The following GRK3 variants were observed in gnomAD, a reference collection of about 807,000 sequenced individuals.
GRK3 encodes the protein adrenergic, beta, receptor kinase 2.
GRK3 carries 54 observed loss-of-function variants against 95.7 expected under a neutral mutation model. The ratio of observed to expected loss-of-function variants is 0.56; its 90% CI spans 0.45 to 0.71. The LOEUF (loss-of-function observed/expected upper bound fraction) is 0.71, where lower values mean the gene tolerates loss of function less well. Among genes scored for constraint, GRK3 ranks in the 30% least tolerant of loss-of-function variants. The pLI is 0.00. For missense variants in GRK3, 649 were observed against 851.2 expected, an observed-to-expected ratio of 0.76 and a Z score of 2.96; for synonymous variants, 281 against 290.8, an observed-to-expected ratio of 0.97 and a Z score of 0.34.
At chr22:25,586,450 G>A (rs1318778596) in intron 1 of GRK3, among the ~76,000 whole-genome samples, 8 of 152,290 alleles carry the variant, frequency 5.3e-5, no homozygotes, top group Non-Finnish European at 8.8e-5. Context: ...CACATTGCAT[G>A]TCTATATCAA....
intron 6 of GRK3, 66 bp from the exon 7 acceptor site, chr22:25,672,230 G>A (rs1444872062): frequency 1.2e-6 from 1 of 801,798 alleles, no homozygotes; most frequent in Non-Finnish European, 2.1e-6. Flanking sequence ...CTGTCTTACG[G>A]TGTTGTTTTG....
chr22:25,565,452 G>C (rs1569145676), intron 1 of GRK3, among the ~76,000 whole-genome samples: 1 of 152,136 alleles, frequency 6.6e-6, no homozygotes, highest in Non-Finnish European at 1.5e-5. Context: ...CATCCCTGTC[G>C]CCCCCTCCCC....
At chr22:25,579,344 G>A (rs1241981153) in intron 1 of GRK3, among the ~76,000 whole-genome samples, 2 of 151,202 alleles carry the variant, frequency 1.3e-5, no homozygotes, top group East Asian at 3.9e-4. Flanking sequence ...ATGGGGTTTC[G>A]CCATGTTGCC....
At position 25,603,168 on chromosome 22, in the gene GRK3, C is replaced by T. The variant is rs532093933; in HGVS notation, c.114-1209C>T. Among the ~76,000 whole-genome samples the T allele has an allele frequency of 1.3e-4, 20 of 152,242 alleles. No individual in the cohort carries two copies. The South Asian group carries it at 3.3e-3, about 25-fold the overall frequency. ...CTGACCTCAGATGATTCACTCGCCTCGGCCTCCCAAAGTGGTGGGATTACA... is the reference window on the plus strand; with the variant it reads ...CTGACCTCAGATGATTCACTCGCCTTGGCCTCCCAAAGTGGTGGGATTACA... On this transcript the variant is annotated intron_variant, in intron 1 of 20. Transcript: ENST00000324198.
chr22:25,622,201 A>G (rs1352728415), intron 2 of GRK3, among the ~76,000 whole-genome samples: 3 of 152,190 alleles, frequency 2.0e-5, no homozygotes, highest in African/African-American at 7.2e-5. Context: ...TTGATTGATG[A>G]CGAAACTAAG....
intron 17 of GRK3, among the ~76,000 whole-genome samples, chr22:25,712,666 C>G (rs892082853): frequency 2.6e-5 from 4 of 152,236 alleles, no homozygotes; most frequent in Admixed American, 2.6e-4. Flanking sequence ...TGCAACCTCT[C>G]GAGTCTTGGC....
At chr22:25,674,143 A>T (rs1402247265) in intron 7 of GRK3, among the ~76,000 whole-genome samples, 4 of 152,146 alleles carry the variant, frequency 2.6e-5, no homozygotes, top group Non-Finnish European at 4.4e-5. Context: ...ACATATTGTA[A>T]TCTGGGATTT....
chr22:25,579,497 G>A (rs1401773829), intron 1 of GRK3, among the ~76,000 whole-genome samples: 4 of 150,004 alleles, frequency 2.7e-5, no homozygotes, highest in African/African-American at 7.4e-5. Context: ...TTTTGAGATG[G>A]TGTCTCACTC....
intron 2 of GRK3, among the ~76,000 whole-genome samples, chr22:25,618,858 A>G (rs1441040188): frequency 6.6e-6 from 1 of 151,978 alleles, no homozygotes; most frequent in Non-Finnish European, 1.5e-5. Flanking sequence ...CACTGTCCTA[A>G]GGTACCTCTA....
At chr22:25,660,178 C>G (rs1333051988) in intron 3 of GRK3, among the ~76,000 whole-genome samples, 1 of 152,230 alleles carries the variant, frequency 6.6e-6, no homozygotes, top group African/African-American at 2.4e-5. Flanking sequence ...TTTTCCGACT[C>G]TCCTTCGGAT....
At chr22:25,597,563 A>G (rs2146334109) in intron 1 of GRK3, among the ~76,000 whole-genome samples, 1 of 152,268 alleles carries the variant, frequency 6.6e-6, no homozygotes, top group East Asian at 1.9e-4. Flanking sequence ...ATGAATATGT[A>G]CAATTATTAT....
chr22:25,727,698 C>G lies in GRK3; in HGVS notation c.*5248C>G, dbSNP rs558498561. 8.1e-4 allele frequency: 123 copies of G among 152,298 alleles called. No individual in the cohort carries two copies. The highest frequency in any genetic ancestry group is 2.8e-3 in the African/African-American group (116 of 41,566). 9.4% of individuals were successfully genotyped at this position (152,298 alleles called of 1,614,324 possible). On this transcript the variant is annotated 3_prime_UTR_variant, in exon 21 of 21. Transcript: ENST00000324198. Reference sequence around the variant, plus strand: ...CAGTATCTAACAATCTCAGAATCATCTCTGAAAACTGGTAACTATGCTTCC... The same window carrying G: ...CAGTATCTAACAATCTCAGAATCATGTCTGAAAACTGGTAACTATGCTTCC...
intron 5 of GRK3, among the ~76,000 whole-genome samples, chr22:25,664,056 T>C (rs1333456400): frequency 6.6e-6 from 1 of 152,254 alleles, no homozygotes; most frequent in Non-Finnish European, 1.5e-5. Flanking sequence ...TATTTTGTAG[T>C]GCCAGGCTGT....
intron 6 of GRK3, among the ~76,000 whole-genome samples, chr22:25,672,037 C>A (rs567606457): frequency 2.0e-3 from 309 of 152,152 alleles, no homozygotes; most frequent in Admixed American, 4.5e-3. Flanking sequence ...ATATCATCTC[C>A]GTATTGGACT....
At chr22:25,580,802 G>A (rs922594125) in intron 1 of GRK3, among the ~76,000 whole-genome samples, 1 of 152,198 alleles carries the variant, frequency 6.6e-6, no homozygotes, top group Non-Finnish European at 1.5e-5. Context: ...GTGCCTGGCT[G>A]AGATTTGTTT....
chr22:25,620,052 G>C (rs1030768225), intron 2 of GRK3, among the ~76,000 whole-genome samples: 3 of 146,882 alleles, frequency 2.0e-5, no homozygotes, highest in African/African-American at 7.8e-5. Flanking sequence ...GTGTGTGTGT[G>C]TGTGTGGTTT....
intron 2 of GRK3, among the ~76,000 whole-genome samples, chr22:25,640,727 C>A (rs1160037489): frequency 6.6e-6 from 1 of 152,160 alleles, no homozygotes; most frequent in African/African-American, 2.4e-5. Context: ...CAATACAATT[C>A]TTTCTACTAA....
intron 13 of GRK3, among the ~76,000 whole-genome samples, chr22:25,702,234 A>C (rs184591828): frequency 2.6e-5 from 4 of 152,348 alleles, no homozygotes; most frequent in Admixed American, 1.3e-4. Flanking sequence ...AATGGCCTGA[A>C]ATGTAATAAT....
At position 25,711,270 on chromosome 22, in the gene GRK3, A is replaced by G. The variant is rs2085341996; in HGVS notation, c.1491+107A>G. On this transcript the variant is annotated intron_variant, in intron 17 of 20. Transcript: ENST00000324198. ...TAATATTGGGCTGTTTATAGTATTT[A>G]ACTTACAAATGAGTATCAACATATT... 4 of 614,684 alleles carry G rather than the reference A, an allele frequency of 6.5e-6. No individual in the cohort carries two copies. The East Asian group carries it at 1.2e-4, about 18-fold the overall frequency. 38.1% of individuals were successfully genotyped at this position (614,684 alleles called of 1,614,324 possible).
Sources: allele counts gnomAD v4.1 joint callset (sites outside exome capture counted in the v4.1 genomes callset), GRCh38; gene constraint gnomAD v4.1.1; transcripts MANE v1.5; gene names NCBI Gene and HGNC (gene_info 2026-07-23, HGNC 2026-07-21).